DAAM2: variants seen among roughly 807,000 people sequenced by gnomAD.
The protein encoded by DAAM2 is dishevelled associated activator of morphogenesis 2, also known as disheveled-associated activator of morphogenesis 2.
DAAM2 carries 39 observed loss-of-function variants against 120.7 expected under a neutral mutation model. That is an observed-to-expected ratio of 0.32 (90% CI 0.25 to 0.42). The LOEUF is 0.42. Ranked by LOEUF, DAAM2 falls within the 10% of genes least tolerant of loss-of-function variation. The pLI is 1.00. For synonymous variants in DAAM2, 488 were observed against 524.9 expected (o/e 0.93, Z 0.96); for missense variants, 1,283 against 1,401.7 (o/e 0.92, Z 1.35).
intron 15 of DAAM2, chr6:39,885,346 T>A (rs1582737339): frequency 1.3e-5 from 2 of 152,048 alleles, no homozygotes; most frequent in African/African-American, 2.4e-5. Flanking sequence ...AAGGAACTCT[T>A]TGAGCACTGG....
At chr6:39,817,193 G>A (rs1762334654) in intron 1 of DAAM2, among the ~76,000 whole-genome samples, 1 of 152,214 alleles carries the variant, frequency 6.6e-6, no homozygotes, top group East Asian at 1.9e-4. Context: ...GAAGGGCCAT[G>A]TGCCTGGGAG....
chr6:39,876,076 C>A (rs567249724), intron 11 of DAAM2, among the ~76,000 whole-genome samples: 2 of 152,310 alleles, frequency 1.3e-5, no homozygotes, highest in South Asian at 4.1e-4. Flanking sequence ...AGAGCCTGAC[C>A]ATTTGATCAT....
intron 1 of DAAM2, among the ~76,000 whole-genome samples, chr6:39,801,237 T>C (rs1365110509): frequency 1.3e-5 from 2 of 152,324 alleles, no homozygotes; most frequent in African/African-American, 2.4e-5. Flanking sequence ...TTTTTCCCCC[T>C]GTGCTTTGTG....
chr6:39,793,551 TC>T (rs35562229), intron 1 of DAAM2, among the ~76,000 whole-genome samples: 20,862 of 152,098 alleles, frequency 0.14, 1,553 homozygotes, highest in Non-Finnish European at 0.16. Context: ...CCATAGGTTT[TC>T]CCTTGATGCC....
intron 1 of DAAM2, among the ~76,000 whole-genome samples, chr6:39,812,357 A>G (rs747853821): frequency 1.3e-5 from 2 of 152,176 alleles, no homozygotes; most frequent in Non-Finnish European, 2.9e-5. Flanking sequence ...GTATTATCCC[A>G]TTTTATAGAA....
At chr6:39,793,589 T>C (rs1761613325) in intron 1 of DAAM2, among the ~76,000 whole-genome samples, 1 of 152,164 alleles carries the variant, frequency 6.6e-6, no homozygotes, top group Admixed American at 6.5e-5. Flanking sequence ...CAGCTTCCCA[T>C]CTTTAAAAAG....
chr6:39,822,457 A>C (rs1221424602), intron 1 of DAAM2: 1 of 152,174 alleles, frequency 6.6e-6, no homozygotes, highest in Non-Finnish European at 1.5e-5. Flanking sequence ...ATAATATGGC[A>C]TGGTGGAATT....
At chr6:39,895,227 C>CTTACTTATTTATTTATTTATTTAT (rs375299409) in intron 19 of DAAM2, among the ~76,000 whole-genome samples, 5 of 137,652 alleles carry the variant, frequency 3.6e-5, no homozygotes, top group East Asian at 4.6e-4. Context: ...ACTTTATTTA[C>CTTACTTATTTATTTATTTATTTAT]TTATTTATTT....
intron 14 of DAAM2, 97 bp downstream of exon 14, chr6:39,879,574 G>C (rs923204559): frequency 6.5e-7 from 1 of 1,537,726 alleles, no homozygotes; most frequent in Non-Finnish European, 9.0e-7. Context: ...CTCCACTCTG[G>C]GTCCTTTCTT....
intron 21 of DAAM2, among the ~76,000 whole-genome samples, chr6:39,898,220 G>A (rs985644183): frequency 1.3e-5 from 2 of 152,168 alleles, no homozygotes; most frequent in Non-Finnish European, 2.9e-5. Context: ...CACCCAAAGG[G>A]CAAGGTTGCT....
chr6:39,901,200 C>A lies in DAAM2; in HGVS notation c.2812-102C>A. ...GCCCCCTGTGCCAACAGTCCCCAGC[C>A]TTGCGCTGGGCTCTGCTCTGGCTAG... On this transcript the variant is annotated intron_variant, in intron 23 of 24. Transcript: ENST00000274867. The surrounding 1 kb of genome is among the most constrained non-coding windows in gnomAD (Gnocchi z 4.5). The A allele has an allele frequency of 1.9e-6, 2 of 1,071,622 alleles. No homozygotes were observed. Among genetic ancestry groups the A allele is most frequent in the Middle Eastern group, 2.3e-4 (1 of 4,436 alleles). The allele number at this position is 1,071,622 out of a possible 1,614,324, so 66.4% of individuals were successfully genotyped here. A position where few individuals can be genotyped will look rare whatever the true frequency, so the allele number is the denominator to read the frequency against.
rs1368913356 is a variant in DAAM2, at chr6:39,901,222, C to T, written c.2812-80C>T. ...AGCCTTGCGCTGGGCTCTGCTCTGG[C>T]TAGAACCCAGCTAACCTCAGGGGCT... is the stretch of plus-strand genomic sequence containing the variant. On this transcript the variant is annotated intron_variant, in intron 23 of 24. Coordinates refer to ENST00000274867, the MANE Select transcript of DAAM2 (RefSeq NM_001201427.2). The surrounding 1 kb of genome is among the most constrained non-coding windows in gnomAD (Gnocchi z 4.5). 1 of 1,394,070 alleles carries T rather than the reference C, an allele frequency of 7.2e-7. No individual in the cohort carries two copies. The highest frequency in any genetic ancestry group is 1.4e-5 in the African/African-American group (1 of 70,304). The allele number at this position is 1,394,070 out of a possible 1,614,324, so 86.4% of individuals were successfully genotyped here. A position where few individuals can be genotyped will look rare whatever the true frequency, so the allele number is the denominator to read the frequency against.
Position 39,856,265 on chromosome 6 carries a change from G to C in DAAM2, c.-38G>C. ...TGTCCAGATCACAATGAGGACCTAG[G>C]GCATCTGTCTGCTGACGCCCCCTGG... On this transcript the variant is annotated 5_prime_UTR_variant, in exon 2 of 25. Transcript: ENST00000274867. The C allele has an allele frequency of 6.9e-7, 1 of 1,439,628 alleles. No individual in the cohort carries two copies. The highest frequency in any genetic ancestry group is 2.9e-5 in the Admixed American group (1 of 35,078). The allele number at this position is 1,439,628 out of a possible 1,614,324, so 89.2% of individuals were successfully genotyped here.
intron 14 of DAAM2, chr6:39,883,745 A>G (rs1765241790): frequency 3.9e-6 from 2 of 516,986 alleles, no homozygotes; most frequent in South Asian, 2.9e-5. Flanking sequence ...CTCCATGCAC[A>G]AGGGAGGAAA....
At chr6:39,855,983 A>G in intron 1 of DAAM2, 13 of 964,724 alleles carry the variant, frequency 1.3e-5, no homozygotes, top group Non-Finnish European at 1.6e-5. Context: ...TCTGAGGGCA[A>G]GGAAGGGGAA....
intron 21 of DAAM2, among the ~76,000 whole-genome samples, chr6:39,898,212 CCCAAAGGGCAAGGTT>C (rs1562065606): frequency 1.3e-5 from 2 of 152,220 alleles, no homozygotes; most frequent in Non-Finnish European, 2.9e-5. Flanking sequence ...AGTTTTCCCA[CCCAAAGGGCAAGGTT>C]GCTGGGGCAA....
intron 1 of DAAM2, among the ~76,000 whole-genome samples, chr6:39,852,726 G>C (rs1028954662): frequency 1.1e-4 from 16 of 152,346 alleles, no homozygotes; most frequent in Middle Eastern, 6.8e-3. Context: ...TGGGGCTTCA[G>C]AGGTGAAGAG....
intron 8 of DAAM2, 26 bp from the exon 9 acceptor site, chr6:39,871,478 ACT>A: frequency 6.5e-7 from 1 of 1,546,510 alleles, no homozygotes; most frequent in Non-Finnish European, 8.8e-7. Context: ...TGTAATGTCT[ACT>A]CTCTCTGTCT....
chr6:39,803,803 A>G (rs1324895124), intron 1 of DAAM2, among the ~76,000 whole-genome samples: 2 of 152,174 alleles, frequency 1.3e-5, no homozygotes, highest in East Asian at 1.9e-4. Flanking sequence ...AGAGGAACAG[A>G]CATAAGCAAC....
Sources: gnomAD v4.1 joint callset for allele counts (sites outside exome capture counted in the v4.1 genomes callset) on GRCh38, gnomAD v4.1.1 for gene constraint, Gnocchi (gnomAD v3.1) non-coding constraint, MANE v1.5 for transcripts, NCBI Gene and HGNC (gene_info 2026-07-23, HGNC 2026-07-21) for gene names.